IFT74: variants seen among roughly 807,000 people sequenced by gnomAD.
IFT74 encodes intraflagellar transport 74.
IFT74 carries 92 observed loss-of-function variants against 96.7 expected under a neutral mutation model. That is an observed-to-expected ratio of 0.95 (90% confidence interval 0.80 to 1.13). IFT74 has a LOEUF of 1.13. Among genes scored for constraint, IFT74 ranks in the 50% most tolerant of loss-of-function variants. The pLI is 0.00. For missense variants in IFT74, 811 were observed against 698.2 expected, an observed-to-expected ratio of 1.16 and a Z score of -1.82; for synonymous variants, 223 against 213.2, an observed-to-expected ratio of 1.05 and a Z score of -0.40.
chr9:26,968,264 AAT>A lies in IFT74; in HGVS notation c.120+6178_120+6179del, dbSNP rs1491407188. Among the ~76,000 whole-genome samples the A allele has an allele frequency of 8.6e-5, 12 of 139,870 alleles. No individual in the cohort carries two copies. The South Asian group carries it at 1.4e-3, about 16-fold the overall frequency. The allele number at this position is 139,870 out of a possible 152,430, so 91.8% of individuals were successfully genotyped here. ...GGAGACGTTTTTTAAATTAAAAAAA[AAT>A]TTTTTTTTTTTTTGAGATGTAATCT... On this transcript the variant is annotated intron_variant, in intron 2 of 19. Coordinates refer to ENST00000380062, the MANE Select transcript of IFT74 (RefSeq NM_025103.4).
chr9:27,059,182 G>A (rs1025081819), intron 18 of IFT74, among the ~76,000 whole-genome samples: 6 of 152,070 alleles, frequency 3.9e-5, no homozygotes, highest in African/African-American at 4.8e-5. Flanking sequence ...CCACAATTTC[G>A]AATCCTTCTC....
chr9:27,023,844 G>A (rs1265884882), intron 12 of IFT74, among the ~76,000 whole-genome samples: 2 of 152,162 alleles, frequency 1.3e-5, no homozygotes, highest in Non-Finnish European at 2.9e-5. Flanking sequence ...TCTGAGCTGA[G>A]ACACGCCTAA....
chr9:27,041,328 T>C (rs896627993), intron 13 of IFT74, among the ~76,000 whole-genome samples: 6 of 152,198 alleles, frequency 3.9e-5, no homozygotes, highest in Non-Finnish European at 7.3e-5. Context: ...AGAGCACTTA[T>C]GTTGCATTAT....
intron 3 of IFT74, among the ~76,000 whole-genome samples, chr9:26,978,494 G>T (rs1222046988): frequency 1.3e-5 from 2 of 152,102 alleles, no homozygotes; most frequent in African/African-American, 4.8e-5. Flanking sequence ...TATTGTGATG[G>T]TTAAACAACA....
chr9:26,978,391 A>T, intron 3 of IFT74, 128 bp downstream of exon 3: 5 of 860,618 alleles, frequency 5.8e-6, no homozygotes, highest in Non-Finnish European at 8.7e-6. Flanking sequence ...CATTTTTTTA[A>T]ATCAGGATTA....
chr9:26,970,332 T>G (rs1163735586), intron 2 of IFT74, among the ~76,000 whole-genome samples: 1 of 152,202 alleles, frequency 6.6e-6, no homozygotes, highest in African/African-American at 2.4e-5. Context: ...CTTCTAGACT[T>G]TTTAATGTAT....
intron 8 of IFT74, chr9:26,995,901 A>C (rs775625083): frequency 1.6e-5 from 20 of 1,273,858 alleles, no homozygotes; most frequent in Non-Finnish European, 1.7e-5. Context: ...TTAAGTTGGC[A>C]AAATAATCAT....
At chr9:27,062,231 A>T (rs1774402844) in intron 19 of IFT74, among the ~76,000 whole-genome samples, 1 of 152,160 alleles carries the variant, frequency 6.6e-6, no homozygotes, top group Non-Finnish European at 1.5e-5. Flanking sequence ...GTGATTTTGG[A>T]GCAGAGCGAA....
upstream of IFT74, among the ~76,000 whole-genome samples, chr9:26,952,992 G>C (rs575291257): frequency 6.6e-6 from 1 of 152,192 alleles, no homozygotes; most frequent in Non-Finnish European, 1.5e-5. Context: ...TAGGGAAAAT[G>C]GTGGGGGAGA....
At chr9:26,998,885 T>C (rs994065435) in intron 8 of IFT74, among the ~76,000 whole-genome samples, 7 of 151,176 alleles carry the variant, frequency 4.6e-5, no homozygotes, top group African/African-American at 1.7e-4. Flanking sequence ...TCCCAGCTAC[T>C]TGGGAGGCTG....
chr9:26,960,787 T>G (rs758551353), intron 1 of IFT74, among the ~76,000 whole-genome samples: 4 of 151,932 alleles, frequency 2.6e-5, no homozygotes, highest in Non-Finnish European at 5.9e-5. Context: ...GTGAAGCAAT[T>G]CCAGATGATG....
At chr9:27,041,755 A>T (rs1819490754) in intron 13 of IFT74, among the ~76,000 whole-genome samples, 1 of 152,204 alleles carries the variant, frequency 6.6e-6, no homozygotes, top group Admixed American at 6.5e-5. Flanking sequence ...AGGACTGCCT[A>T]CATTTACACT....
At position 27,036,714 on chromosome 9, in the gene IFT74, A is replaced by G. The variant is rs533403682; in HGVS notation, c.1054+7610A>G. On this transcript the variant is annotated intron_variant, in intron 13 of 19. Coordinates refer to ENST00000380062, the MANE Select transcript of IFT74 (RefSeq NM_025103.4). ...AAAAAGACTCCTAAAAATCAATTATATGGTGAAAGAAATCCCTTACAGACT... is the reference window on the plus strand; with the variant it reads ...AAAAAGACTCCTAAAAATCAATTATGTGGTGAAAGAAATCCCTTACAGACT... 71 of 1,289,862 alleles carry G rather than the reference A, an allele frequency of 5.5e-5. No individual in the cohort carries two copies. The Admixed American group carries it at 1.1e-3, about 20-fold the overall frequency. The allele number at this position is 1,289,862 out of a possible 1,614,324, so 79.9% of individuals were successfully genotyped here.
chr9:26,972,012 A>G (rs1340278086), intron 2 of IFT74, among the ~76,000 whole-genome samples: 1 of 152,142 alleles, frequency 6.6e-6, no homozygotes, highest in Non-Finnish European at 1.5e-5. Context: ...TTTCTCTTCA[A>G]TTACCCAGGA....
intron 13 of IFT74, among the ~76,000 whole-genome samples, chr9:27,038,254 G>T (rs1003358918): frequency 2.0e-5 from 3 of 151,922 alleles, no homozygotes; most frequent in African/African-American, 7.3e-5. Flanking sequence ...TCAGGAATAT[G>T]GTTTTGTTTT....
intron 8 of IFT74, among the ~76,000 whole-genome samples, chr9:27,002,354 C>A (rs746011402): frequency 2.6e-5 from 4 of 152,218 alleles, no homozygotes; most frequent in Non-Finnish European, 5.9e-5. Flanking sequence ...GTTTATTTCA[C>A]CTGGGTGAAG....
chr9:26,967,841 C>T (rs912112561), intron 2 of IFT74, among the ~76,000 whole-genome samples: 4 of 152,028 alleles, frequency 2.6e-5, no homozygotes, highest in East Asian at 1.9e-4. Context: ...ACAATATCAA[C>T]GGAAGGCTTT....
chr9:26,981,401 C>A (rs1827368732), intron 4 of IFT74, among the ~76,000 whole-genome samples: 1 of 151,590 alleles, frequency 6.6e-6, no homozygotes, highest in East Asian at 1.9e-4. Flanking sequence ...CATAAGCTAC[C>A]ACCACACCTG....
chr9:27,041,861 T>C (rs764624322), intron 13 of IFT74, among the ~76,000 whole-genome samples: 1 of 152,026 alleles, frequency 6.6e-6, no homozygotes, highest in South Asian at 2.1e-4. Flanking sequence ...TTAGCAATAG[T>C]GATATTGGAG....
Sources: gnomAD v4.1 joint callset for allele counts (sites outside exome capture counted in the v4.1 genomes callset) on GRCh38, gnomAD v4.1.1 for gene constraint, MANE v1.5 for transcripts, NCBI Gene and HGNC (gene_info 2026-07-23, HGNC 2026-07-21) for gene names.